The following ZNF778 variants were observed in gnomAD, a reference collection of about 807,000 sequenced individuals.
The protein encoded by ZNF778 is zinc finger protein 778.
In ZNF778, 37 loss-of-function variants were observed where a neutral mutation model predicts 23.9. The observed-to-expected ratio is 1.54, with a 90% CI of 1.19 to 2.03. ZNF778 has a LOEUF of 2.03. Among genes scored for constraint, ZNF778 ranks in the 30% most tolerant of loss-of-function variants. The probability of loss-of-function intolerance (pLI) is 0.00; values close to 1 mark genes in which losing one functional copy is unlikely to be tolerated. For synonymous variants in ZNF778, 483 were observed against 343.9 expected, an observed-to-expected ratio of 1.40 and a Z score of -4.48; for missense variants, 1,297 against 934.4, an observed-to-expected ratio of 1.39 and a Z score of -5.06.
Position 89,232,464 on chromosome 16 carries a change from A to T in ZNF778, c.*3902A>T. ...ACCAAGCATGATGGAAAACTGGGTT[A>T]TGGGCAGGACTGCAAGTACTGGTTA... On this transcript the variant is annotated 3_prime_UTR_variant, in exon 7 of 7. Coordinates refer to ENST00000433976, the MANE Select transcript of ZNF778 (RefSeq NM_001201407.2). 2 of 387,212 alleles carry T rather than the reference A, an allele frequency of 5.2e-6. No homozygotes were observed. The highest frequency in any genetic ancestry group is 9.1e-6 in the Non-Finnish European group (2 of 220,116). The allele number at this position is 387,212 out of a possible 1,614,324, so 24.0% of individuals were successfully genotyped here. A position where few individuals can be genotyped will look rare whatever the true frequency, so the allele number is the denominator to read the frequency against.
In ZNF778 at chr16:89,232,959, CT is replaced by C. The variant is rs1453181774; in HGVS notation, c.*4398del. On this transcript the variant is annotated 3_prime_UTR_variant, in exon 7 of 7. Transcript: ENST00000433976. ...CTCACTGCCTATGCAACTCAGCTCG[CT>C]CTGCGTATGCAACTGAGCTCGCTCT... 7.9e-7 allele frequency: 1 copy of C among 1,269,814 alleles called. No homozygotes were observed. Among genetic ancestry groups the C allele is most frequent in the Non-Finnish European group, 1.0e-6 (1 of 979,516 alleles). The allele number at this position is 1,269,814 out of a possible 1,614,324, so 78.7% of individuals were successfully genotyped here. A position where few individuals can be genotyped will look rare whatever the true frequency, so the allele number is the denominator to read the frequency against.
intron 1 of ZNF778, among the ~76,000 whole-genome samples, chr16:89,220,155 A>C (rs1173888249): frequency 6.6e-6 from 1 of 152,172 alleles, no homozygotes; most frequent in African/African-American, 2.4e-5. Context: ...GGTGACAACA[A>C]AGTCAACACA....
chr16:89,233,443 G>GCAACTCAACTCGCAC lies in ZNF778; in HGVS notation c.*4881_*4882insCAACTCAACTCGCAC, dbSNP rs1567515947. The GCAACTCAACTCGCAC allele has an allele frequency of 2.5e-6, 3 of 1,195,880 alleles. No homozygotes were observed. In the African/African-American group the frequency reaches 6.7e-5, roughly 27 times the overall value. The allele number at this position is 1,195,880 out of a possible 1,614,324, so 74.1% of individuals were successfully genotyped here. On this transcript the variant is annotated 3_prime_UTR_variant, in exon 7 of 7. Coordinates refer to ENST00000433976, the MANE Select transcript of ZNF778 (RefSeq NM_001201407.2). ...GCGTATGCAACTCAACTCGCACTGC[G>GCAACTCAACTCGCAC]TGTGCAACTCAACTCGCACTGCGTG...
rs990664309 is a variant in ZNF778, at chr16:89,227,892, G to A, written c.1604G>A (p.Cys535Tyr). The change falls in exon 7 of 7, where the codon TGT (cysteine) becomes TAT (tyrosine). Residue 535 changes from cysteine (C) to tyrosine (Y), a missense_variant. Cys to Tyr is a radical substitution (Grantham distance 194). Coordinates refer to ENST00000433976, the MANE Select transcript of ZNF778 (RefSeq NM_001201407.2). ...RTHTGEKPYE[C>Y]KDCGKAYNRV... ...CACACCGGGGAGAAGCCCTATGAAT[G>A]TAAGGACTGTGGGAAAGCCTACAAT... 1.2e-6 allele frequency: 2 copies of A among 1,614,176 alleles called. No homozygotes were observed. The highest frequency in any genetic ancestry group is 1.7e-5 in the Admixed American group (1 of 60,020).
In ZNF778 at chr16:89,233,325, C is replaced by T. The variant is rs1380314997; in HGVS notation, c.*4763C>T. ...CTCGCTCTGCGTATGCAACTCAGCT[C>T]GCTCTGCGTATGCAACTCAGCTCGC... On this transcript the variant is annotated 3_prime_UTR_variant, in exon 7 of 7. Transcript: ENST00000433976. 2 of 1,282,080 alleles carry T rather than the reference C, an allele frequency of 1.6e-6. No homozygotes were observed. The highest frequency in any genetic ancestry group is 2.0e-6 in the Non-Finnish European group (2 of 986,808). The allele number at this position is 1,282,080 out of a possible 1,614,324, so 79.4% of individuals were successfully genotyped here.
At position 89,221,045 on chromosome 16, in the gene ZNF778, C is replaced by T. The variant is rs1207758562; in HGVS notation, c.-83C>T. On this transcript the variant is annotated 5_prime_UTR_variant, in exon 2 of 7. Transcript: ENST00000433976. Reference sequence around the variant, plus strand: ...GGGTCAGGAGGAATGGAGACTGTACCTTCCACATAGATTCACAAGCTGCCC... The same window carrying T: ...GGGTCAGGAGGAATGGAGACTGTACTTTCCACATAGATTCACAAGCTGCCC... 11 of 1,492,434 alleles carry T rather than the reference C, an allele frequency of 7.4e-6. No homozygotes were observed. The Admixed American group carries it at 2.2e-4, about 29-fold the overall frequency. The allele number at this position is 1,492,434 out of a possible 1,614,324, so 92.4% of individuals were successfully genotyped here. A position where few individuals can be genotyped will look rare whatever the true frequency, so the allele number is the denominator to read the frequency against.
In ZNF778 at chr16:89,231,702, AGTGT is replaced by A. The variant is rs577206214; in HGVS notation, c.*3141_*3144del. 6.2e-4 allele frequency: 94 copies of A among 152,274 alleles called. No individual in the cohort carries two copies. The highest frequency in any genetic ancestry group is 2.1e-3 in the African/African-American group (87 of 41,528). The allele number at this position is 152,274 out of a possible 1,614,324, so 9.4% of individuals were successfully genotyped here. A position where few individuals can be genotyped will look rare whatever the true frequency, so the allele number is the denominator to read the frequency against. ...GTAGGAAAATCTGGTAGGAGTTAGT[AGTGT>A]CTGTGAAGTCTCAATAATTGATACC... On this transcript the variant is annotated 3_prime_UTR_variant, in exon 7 of 7. Coordinates refer to ENST00000433976, the MANE Select transcript of ZNF778 (RefSeq NM_001201407.2).
rs960960781 is a variant in ZNF778 at position 89,226,514 on chromosome 16, A to T, written c.406-180A>T. On this transcript the variant is annotated intron_variant, in intron 6 of 6. Transcript: ENST00000433976. ...GCTGCTGCGCCCGTCCTGATGGCAC[A>T]GGATTCTTGCAGTGGGGCTCCTCAT... is the stretch of plus-strand genomic sequence containing the variant. Among the ~76,000 whole-genome samples the T allele has an allele frequency of 2.0e-5, 3 of 152,196 alleles. 1 individual carries two copies. The East Asian group carries it at 5.8e-4, about 29-fold the overall frequency.
chr16:89,232,758 C>T lies in ZNF778; in HGVS notation c.*4196C>T, dbSNP rs1335450530. On this transcript the variant is annotated 3_prime_UTR_variant, in exon 7 of 7. Transcript: ENST00000433976. ...TGGTAAACAACTTGCTGGAAACATG[C>T]ACTGCATATACAAATCAACTCACTG... is the stretch of plus-strand genomic sequence containing the variant. The T allele has an allele frequency of 7.0e-6, 9 of 1,286,568 alleles. No homozygotes were observed. In the Admixed American group the frequency reaches 1.8e-4, roughly 26 times the overall value. 79.7% of individuals were successfully genotyped at this position (1,286,568 alleles called of 1,614,324 possible).
intron 6 of ZNF778, 70 bp from the exon 7 acceptor site, chr16:89,226,624 T>A: frequency 7.3e-7 from 1 of 1,371,330 alleles, no homozygotes; most frequent in South Asian, 1.4e-5. Flanking sequence ...TCATGCTCTG[T>A]CTTCAGCTGG....
chr16:89,222,041 A>C, intron 2 of ZNF778, 51 bp from the exon 3 acceptor site: 2 of 1,369,242 alleles, frequency 1.5e-6, no homozygotes, highest in African/African-American at 1.5e-5. Flanking sequence ...TGAGTGTGGA[A>C]TTAGGGTCAG....
rs1259246292 is a variant in ZNF778 at position 89,233,296 on chromosome 16, TCAGC to T, written c.*4735_*4738del. On this transcript the variant is annotated 3_prime_UTR_variant, in exon 7 of 7. Coordinates refer to ENST00000433976, the MANE Select transcript of ZNF778 (RefSeq NM_001201407.2). ...ACTCAGCTCGCACTGCGTATGCAAC[TCAGC>T]TCGCTCTGCGTATGCAACTCAGCTC... 3 of 1,277,326 alleles carry T rather than the reference TCAGC, an allele frequency of 2.3e-6. No individual in the cohort carries two copies. The South Asian group carries it at 3.7e-5, about 16-fold the overall frequency. 79.1% of individuals were successfully genotyped at this position (1,277,326 alleles called of 1,614,324 possible).
chr16:89,226,095 A>G (rs2031452074), intron 6 of ZNF778, among the ~76,000 whole-genome samples: 1 of 151,538 alleles, frequency 6.6e-6, no homozygotes, highest in South Asian at 2.1e-4. Context: ...TATTTTTAGT[A>G]GAGACGGGGT....
chr16:89,224,507 T>C, intron 4 of ZNF778: 1 of 455,370 alleles, frequency 2.2e-6, no homozygotes, highest in East Asian at 3.8e-5. Context: ...TAGTCCCAGC[T>C]ACTTAGGAGG....
At position 89,230,195 on chromosome 16, in the gene ZNF778, T is replaced by A; in HGVS notation, c.*1633T>A. The A allele has an allele frequency of 4.8e-6, 2 of 412,568 alleles. No individual in the cohort carries two copies. The highest frequency in any genetic ancestry group is 3.3e-6 in the Non-Finnish European group (1 of 306,902). 25.6% of individuals were successfully genotyped at this position (412,568 alleles called of 1,614,324 possible). The stretch of plus-strand genomic sequence containing the variant: ...CTCTCCCATACCTGATCCCTTCAGA[T>A]AAAACACCAGGGTGCAAGGAGGGGC... On this transcript the variant is annotated 3_prime_UTR_variant, in exon 7 of 7. Coordinates refer to ENST00000433976, the MANE Select transcript of ZNF778 (RefSeq NM_001201407.2).
chr16:89,224,822 C>T lies in ZNF778; in HGVS notation c.328+20C>T, dbSNP rs765814796. 269 of 1,480,558 alleles carry T rather than the reference C, an allele frequency of 1.8e-4. No individual in the cohort carries two copies. Among genetic ancestry groups the T allele is most frequent in the Non-Finnish European group, 2.3e-4 (251 of 1,098,450 alleles). The allele number at this position is 1,480,558 out of a possible 1,614,324, so 91.7% of individuals were successfully genotyped here. On this transcript the variant is annotated intron_variant, in intron 5 of 6. Coordinates refer to ENST00000433976, the MANE Select transcript of ZNF778 (RefSeq NM_001201407.2). ...TCCAAGGTAAGTGTGAAGAGCACGC[C>T]TGGTCGATGTCAAGTTTAGCAGCTG...
chr16:89,230,641 C>G lies in ZNF778; in HGVS notation c.*2079C>G, dbSNP rs2031872834. The G allele has an allele frequency of 6.6e-6, 1 of 152,272 alleles. No homozygotes were observed. The highest frequency in any genetic ancestry group is 2.1e-4 in the South Asian group (1 of 4,828). 9.4% of individuals were successfully genotyped at this position (152,272 alleles called of 1,614,324 possible). ...GCGCTTCTTGGATGAGGCCCTTAAA[C>G]ACACACAGTGGCAGAGCAAGACTTC... On this transcript the variant is annotated 3_prime_UTR_variant, in exon 7 of 7. Coordinates refer to ENST00000433976, the MANE Select transcript of ZNF778 (RefSeq NM_001201407.2).
rs2031884198 is a variant in ZNF778, at chr16:89,230,843, C to T, written c.*2281C>T. On this transcript the variant is annotated 3_prime_UTR_variant, in exon 7 of 7. Coordinates refer to ENST00000433976, the MANE Select transcript of ZNF778 (RefSeq NM_001201407.2). ...CTGGATGGACAGACCCGTGCACCTTCATATTACGTGTTTGAAATCCTGGAT... is the reference window on the plus strand; with the variant it reads ...CTGGATGGACAGACCCGTGCACCTTTATATTACGTGTTTGAAATCCTGGAT... The T allele has an allele frequency of 6.6e-6, 1 of 152,260 alleles. No homozygotes were observed. Among genetic ancestry groups the T allele is most frequent in the South Asian group, 2.1e-4 (1 of 4,830 alleles). 9.4% of individuals were successfully genotyped at this position (152,260 alleles called of 1,614,324 possible).
At chr16:89,224,685 C>T in intron 4 of ZNF778, 34 bp from the exon 5 acceptor site, 1 of 1,473,670 alleles carries the variant, frequency 6.8e-7, no homozygotes, top group South Asian at 1.2e-5. Context: ...CCTGCCTGAG[C>T]CTCTTCCATC....
Sources: gnomAD v4.1 joint callset for allele counts (sites outside exome capture counted in the v4.1 genomes callset) on GRCh38, gnomAD v4.1.1 for gene constraint, MANE v1.5 for transcripts, NCBI Gene and HGNC (gene_info 2026-07-23, HGNC 2026-07-21) for gene names.